The following SLC4A7 variants were observed in gnomAD, a reference collection of about 807,000 sequenced individuals.
SLC4A7 encodes solute carrier family 4 member 7, also known as sodium bicarbonate cotransporter 3.
SLC4A7 carries 51 observed loss-of-function variants against 137.6 expected under a neutral mutation model. The ratio of observed to expected loss-of-function variants is 0.37; its 90% CI spans 0.30 to 0.47. The LOEUF is 0.47. Among genes scored for constraint, SLC4A7 ranks in the 20% least tolerant of loss-of-function variants. SLC4A7 has a pLI of 1.00. For missense variants in SLC4A7, 1,247 were observed against 1,525.4 expected (o/e 0.82, Z 3.04); for synonymous variants, 542 against 518.6 (o/e 1.05, Z -0.61).
intron 16 of SLC4A7, 95 bp from the exon 17 acceptor site, chr3:27,398,448 G>C (rs925905604): frequency 3.8e-6 from 4 of 1,046,922 alleles, no homozygotes; most frequent in Non-Finnish European, 5.5e-6. Context: ...GCAACTGATT[G>C]TAAGAGGCAC....
intron 12 of SLC4A7, among the ~76,000 whole-genome samples, chr3:27,410,364 G>A (rs574097930): frequency 6.6e-6 from 1 of 152,228 alleles, no homozygotes; most frequent in South Asian, 2.1e-4. Flanking sequence ...GACTAAATCA[G>A]TAATTCGTTT....
chr3:27,402,663 C>T (rs1440336166), intron 15 of SLC4A7, among the ~76,000 whole-genome samples: 1 of 151,166 alleles, frequency 6.6e-6, no homozygotes, highest in Non-Finnish European at 1.5e-5. Flanking sequence ...TGTGGCACTG[C>T]ACTCCAGCCT....
chr3:27,373,147 TAAAAA>T lies in SLC4A7; in HGVS notation c.*3612_*3616del, dbSNP rs555061556. 1.3e-5 allele frequency: 2 copies of T among 151,306 alleles called. No homozygotes were observed. Among genetic ancestry groups the T allele is most frequent in the African/African-American group, 4.9e-5 (2 of 41,196 alleles). 9.4% of individuals were successfully genotyped at this position (151,306 alleles called of 1,614,324 possible). On this transcript the variant is annotated 3_prime_UTR_variant, in exon 26 of 26. Coordinates refer to ENST00000454389, the MANE Select transcript of SLC4A7 (RefSeq NM_001321103.2). The stretch of plus-strand genomic sequence containing the variant: ...ACTAATCAGTGTGCAAAAATCTGAT[TAAAAA>T]AACAAAACAAAACTGGGGTTTAACA...
intron 21 of SLC4A7, chr3:27,390,436 T>G: frequency 5.5e-6 from 1 of 182,828 alleles, no homozygotes; most frequent in Non-Finnish European, 1.1e-5. Flanking sequence ...CTCTTTGTTT[T>G]GTAATGTTCA....
At chr3:27,410,937 A>G (rs1483880076) in intron 12 of SLC4A7, among the ~76,000 whole-genome samples, 1 of 151,886 alleles carries the variant, frequency 6.6e-6, no homozygotes, top group Non-Finnish European at 1.5e-5. Flanking sequence ...TTGTATCTGT[A>G]TAAGATTCCC....
At chr3:27,406,618 T>G (rs1034968603) in intron 13 of SLC4A7, among the ~76,000 whole-genome samples, 6 of 152,154 alleles carry the variant, frequency 3.9e-5, no homozygotes, top group Non-Finnish European at 7.3e-5. Context: ...AATGAATTTA[T>G]GCAGAGCTTA....
At chr3:27,452,241 T>C (rs2058121017) in intron 2 of SLC4A7, among the ~76,000 whole-genome samples, 176 bp downstream of exon 2, 1 of 152,142 alleles carries the variant, frequency 6.6e-6, no homozygotes, top group South Asian at 2.1e-4. Context: ...TGAGAAGCAT[T>C]ATGAACTCTA....
chr3:27,459,461 C>T (rs747737835), intron 1 of SLC4A7, among the ~76,000 whole-genome samples: 1 of 152,170 alleles, frequency 6.6e-6, no homozygotes, highest in Non-Finnish European at 1.5e-5. Flanking sequence ...AATAGGCTTT[C>T]GTTTGGCTAA....
At chr3:27,381,813 C>G (rs2050445949) in intron 24 of SLC4A7, among the ~76,000 whole-genome samples, 2 of 152,156 alleles carry the variant, frequency 1.3e-5, no homozygotes, top group Admixed American at 1.3e-4. Context: ...GGGCCAGGCA[C>G]AGTGGCTCAT....
chr3:27,459,013 TA>T lies in SLC4A7; in HGVS notation c.61-6516del, dbSNP rs545680793. Among the ~76,000 whole-genome samples, 312 of 151,846 alleles carry T rather than the reference TA, an allele frequency of 2.1e-3. 1 individual carries two copies. Among genetic ancestry groups the T allele is most frequent in the Non-Finnish European group, 2.9e-3 (194 of 67,922 alleles). On this transcript the variant is annotated intron_variant, in intron 1 of 25. Coordinates refer to ENST00000454389, the MANE Select transcript of SLC4A7 (RefSeq NM_001321103.2). ...CCATCTAAAAAATAAAAAATTAAAT[TA>T]AAAAAAATTCCAAAATGACCTCTTG...
intron 1 of SLC4A7, among the ~76,000 whole-genome samples, chr3:27,467,006 C>T (rs550602473): frequency 6.6e-6 from 1 of 152,114 alleles, no homozygotes; most frequent in Non-Finnish European, 1.5e-5. Context: ...TTGTTACTAG[C>T]TTTTATAATA....
At chr3:27,432,151 T>C (rs1340042737) in intron 6 of SLC4A7, among the ~76,000 whole-genome samples, 3 of 152,170 alleles carry the variant, frequency 2.0e-5, no homozygotes, top group African/African-American at 7.2e-5. Flanking sequence ...TAACATTAAG[T>C]AATAATTTCT....
rs780026916 is a variant in SLC4A7 at position 27,455,570 on chromosome 3, A to ATTTT, written c.61-3076_61-3073dup. 7.7e-4 allele frequency among the ~76,000 whole-genome samples: 97 copies of ATTTT among 125,334 alleles called. 2 individuals are homozygous for ATTTT. The highest frequency in any genetic ancestry group is 2.3e-3 in the African/African-American group (76 of 33,126). The allele number at this position is 125,334 out of a possible 152,430, so 82.2% of individuals were successfully genotyped here. A position where few individuals can be genotyped will look rare whatever the true frequency, so the allele number is the denominator to read the frequency against. On this transcript the variant is annotated intron_variant, in intron 1 of 25. Coordinates refer to ENST00000454389, the MANE Select transcript of SLC4A7 (RefSeq NM_001321103.2). ...TTTCATGCGTAACTTGCATAACTAA[A>ATTTT]TTTTTTTTTTTTTTTTTTTTGGAGA...
intron 1 of SLC4A7, among the ~76,000 whole-genome samples, chr3:27,469,838 A>G (rs2059162561): frequency 6.6e-6 from 1 of 152,244 alleles, no homozygotes; most frequent in Non-Finnish European, 1.5e-5. Context: ...AGTCTTAGAA[A>G]AGCTGACCAT....
At chr3:27,458,645 T>A (rs1330905620) in intron 1 of SLC4A7, among the ~76,000 whole-genome samples, 1 of 152,222 alleles carries the variant, frequency 6.6e-6, no homozygotes, top group African/African-American at 2.4e-5. Context: ...ATGATTTTTT[T>A]AAATTCTCAA....
At chr3:27,382,762 G>A (rs1337461501) in intron 24 of SLC4A7, among the ~76,000 whole-genome samples, 1 of 151,926 alleles carries the variant, frequency 6.6e-6, no homozygotes, top group Non-Finnish European at 1.5e-5. Flanking sequence ...TACTGAAAAC[G>A]TTTATTTTCC....
intron 24 of SLC4A7, among the ~76,000 whole-genome samples, chr3:27,381,927 G>T (rs765222198): frequency 6.6e-6 from 1 of 152,066 alleles, no homozygotes; most frequent in East Asian, 2.0e-4. Context: ...CATCTCTACT[G>T]AAAGTACAGA....
intron 8 of SLC4A7, among the ~76,000 whole-genome samples, chr3:27,422,397 AGCTGAGACTACAGGCATGC>A (rs1425472838): frequency 1.3e-5 from 2 of 152,114 alleles, no homozygotes; most frequent in African/African-American, 4.8e-5. Flanking sequence ...CCTCCCGAGT[AGCTGAGACTACAGGCATGC>A]GCTACCACGC....
At chr3:27,475,600 A>T (rs2059430666) in intron 1 of SLC4A7, among the ~76,000 whole-genome samples, 1 of 152,182 alleles carries the variant, frequency 6.6e-6, no homozygotes, top group East Asian at 1.9e-4. Context: ...AGATAAAATG[A>T]AAGGCCAAAT....
Sources: allele counts gnomAD v4.1 joint callset (sites outside exome capture counted in the v4.1 genomes callset), GRCh38; gene constraint gnomAD v4.1.1; transcripts MANE v1.5; gene names NCBI Gene and HGNC (gene_info 2026-07-23, HGNC 2026-07-21).